LYRM4: variants seen among roughly 807,000 people sequenced by gnomAD.
The protein encoded by LYRM4 is LYR motif containing 4.
A neutral mutation model predicts 11.7 loss-of-function variants in LYRM4; 9 were observed. The ratio of observed to expected loss-of-function variants is 0.77; its 90% confidence interval spans 0.46 to 1.34. The LOEUF is 1.34. LYRM4 is among the 40% of genes most tolerant of loss of function. LYRM4 has a pLI of 0.00. For missense variants in LYRM4, 133 were observed against 112.5 expected, an observed-to-expected ratio of 1.18 and a Z score of -0.82; for synonymous variants, 42 against 40.4, an observed-to-expected ratio of 1.04 and a Z score of -0.15.
At chr6:5,143,295 A>G (rs1015765800) in intron 2 of LYRM4, among the ~76,000 whole-genome samples, 14 of 152,206 alleles carry the variant, frequency 9.2e-5, no homozygotes, top group Non-Finnish European at 1.2e-4. Flanking sequence ...GGCTCCAGTG[A>G]CTTATGGCAA....
chr6:5,125,335 A>G (rs1043851837), intron 2 of LYRM4, among the ~76,000 whole-genome samples: 27 of 152,144 alleles, frequency 1.8e-4, no homozygotes, highest in Admixed American at 6.5e-5. Flanking sequence ...GTCCTGGCCT[A>G]TCACATGCTT....
chr6:5,124,473 T>C (rs1763611027), intron 2 of LYRM4, among the ~76,000 whole-genome samples: 1 of 152,194 alleles, frequency 6.6e-6, no homozygotes, highest in African/African-American at 2.4e-5. Context: ...CTTTGTTCTT[T>C]CTCCTCTTTT....
the LYRM4 span, chr6:5,043,277 A>G: frequency 6.6e-6 from 1 of 152,084 alleles, no homozygotes; most frequent in African/African-American, 2.4e-5. Flanking sequence ...CATACTTTTA[A>G]CATACTCTGC....
chr6:5,056,969 C>A, the LYRM4 span, among the ~76,000 whole-genome samples: 9 of 152,100 alleles, frequency 5.9e-5, no homozygotes, highest in Admixed American at 5.9e-4. Flanking sequence ...CAAAATACTT[C>A]CTATTTTGTC....
intron 1 of LYRM4, among the ~76,000 whole-genome samples, chr6:5,236,686 A>G (rs2127750293): frequency 6.6e-6 from 1 of 150,578 alleles, no homozygotes; most frequent in East Asian, 2.0e-4. Context: ...AGTAGCTCAC[A>G]TCTGTAATCC....
At chr6:5,164,484 A>G (rs920346243) in intron 2 of LYRM4, among the ~76,000 whole-genome samples, 3 of 152,228 alleles carry the variant, frequency 2.0e-5, no homozygotes, top group Admixed American at 2.0e-4. Flanking sequence ...ATATATAAAG[A>G]CAGCACCACT....
the LYRM4 span, among the ~76,000 whole-genome samples, chr6:5,058,780 A>G: frequency 6.6e-6 from 1 of 152,146 alleles, no homozygotes; most frequent in African/African-American, 2.4e-5. Flanking sequence ...ATATATATAT[A>G]ATGCTTGAAT....
At chr6:5,056,250 A>G in the LYRM4 span, among the ~76,000 whole-genome samples, 1 of 152,176 alleles carries the variant, frequency 6.6e-6, no homozygotes, top group Admixed American at 6.5e-5. Context: ...ACCAGTTGTG[A>G]TATGTTTTCT....
intron 1 of LYRM4, among the ~76,000 whole-genome samples, chr6:5,220,745 C>T (rs961904223): frequency 2.0e-5 from 3 of 152,120 alleles, no homozygotes; most frequent in Non-Finnish European, 4.4e-5. Flanking sequence ...CTCCATGATA[C>T]TGTTACTTGT....
the LYRM4 span, chr6:5,066,230 CACTT>C: frequency 4.1e-6 from 3 of 724,404 alleles, no homozygotes; most frequent in Non-Finnish European, 7.7e-6. Flanking sequence ...TGCCAGATAA[CACTT>C]CATACATGAT....
intron 2 of LYRM4, among the ~76,000 whole-genome samples, chr6:5,189,261 G>C (rs1760609949): frequency 6.6e-6 from 1 of 151,908 alleles, no homozygotes; most frequent in African/African-American, 2.4e-5. Flanking sequence ...CTTAGCCTAA[G>C]GTTAGTGGTT....
At chr6:5,036,076 T>C in the LYRM4 span, among the ~76,000 whole-genome samples, 3 of 149,430 alleles carry the variant, frequency 2.0e-5, no homozygotes, top group Non-Finnish European at 4.4e-5. Context: ...TTTTAATAAA[T>C]AGTTTAAAAT....
intron 2 of LYRM4, among the ~76,000 whole-genome samples, chr6:5,181,893 C>G (rs1760096071): frequency 6.6e-6 from 1 of 152,168 alleles, no homozygotes; most frequent in African/African-American, 2.4e-5. Context: ...CTCAATGTAC[C>G]TAGAAGACAC....
At chr6:5,149,202 A>G (rs554523064) in intron 2 of LYRM4, among the ~76,000 whole-genome samples, 191 of 152,362 alleles carry the variant, frequency 1.3e-3, no homozygotes, top group South Asian at 1.9e-3. Flanking sequence ...TGAAATAGGC[A>G]CTAATGTGGT....
chr6:5,057,347 C>T, the LYRM4 span, among the ~76,000 whole-genome samples: 68 of 152,256 alleles, frequency 4.5e-4, no homozygotes, highest in African/African-American at 1.6e-3. Context: ...CCTCCCTGCC[C>T]ACCCTTTCCC....
At chr6:5,073,508 C>A in the LYRM4 span, among the ~76,000 whole-genome samples, 2 of 147,346 alleles carry the variant, frequency 1.4e-5, no homozygotes, top group African/African-American at 2.5e-5. Flanking sequence ...CTATATATAT[C>A]TCTCTATATA....
the LYRM4 span, among the ~76,000 whole-genome samples, chr6:5,051,718 G>A: frequency 0.015 from 2,218 of 152,270 alleles, 24 homozygotes; most frequent in Non-Finnish European, 0.022. Flanking sequence ...CTGTTGCTAG[G>A]TAATTTTTTT....
intron 2 of LYRM4, among the ~76,000 whole-genome samples, chr6:5,148,516 T>TGGG (rs376153064): frequency 6.6e-6 from 1 of 152,236 alleles, no homozygotes; most frequent in African/African-American, 2.4e-5. Context: ...TGAGCTGGGC[T>TGGG]GGGTATACGC....
At chr6:5,138,780 A>T in intron 2 of LYRM4, 1 of 1,429,180 alleles carries the variant, frequency 7.0e-7, no homozygotes, top group African/African-American at 1.4e-5. Flanking sequence ...TAAGAGTAAC[A>T]GTTAACAGAA....
Sources: allele counts gnomAD v4.1 joint callset (sites outside exome capture counted in the v4.1 genomes callset), GRCh38; gene constraint gnomAD v4.1.1; transcripts MANE v1.5; gene names NCBI Gene and HGNC (gene_info 2026-07-23, HGNC 2026-07-21).